The following SLC9A8 variants were observed in gnomAD, a reference collection of about 807,000 sequenced individuals.
The protein encoded by SLC9A8 is sodium/hydrogen exchanger 8.
In SLC9A8, 48 loss-of-function variants were observed where a neutral mutation model predicts 66.6. That is an observed-to-expected ratio of 0.72 (90% confidence interval 0.57 to 0.92). The LOEUF (loss-of-function observed/expected upper bound fraction) is 0.92. Ranked by LOEUF, SLC9A8 falls within the 40% of genes least tolerant of loss-of-function variation. SLC9A8 has a pLI of 0.00. For synonymous variants in SLC9A8, 274 were observed against 282.6 expected (o/e 0.97, Z 0.31); for missense variants, 599 against 747.3 (o/e 0.80, Z 2.31).
At chr20:49,847,352 G>T (rs1271014789) in intron 5 of SLC9A8, among the ~76,000 whole-genome samples, 1 of 147,826 alleles carries the variant, frequency 6.8e-6, no homozygotes, top group East Asian at 2.0e-4. Flanking sequence ...ATGACATTTT[G>T]AATATTAGAG....
At position 49,815,556 on chromosome 20, in the gene SLC9A8, C is replaced by T. The variant is rs6125774; in HGVS notation, c.208+367C>T. 2,344 of 164,514 alleles carry T rather than the reference C, an allele frequency of 0.014. 246 individuals carry two copies. The East Asian group carries it at 0.27, about 19-fold the overall frequency. 10.2% of individuals were successfully genotyped at this position (164,514 alleles called of 1,614,324 possible). On this transcript the variant is annotated intron_variant, in intron 2 of 15. Coordinates refer to ENST00000361573, the MANE Select transcript of SLC9A8 (RefSeq NM_015266.3). ...GGTTAGGAGTTCAAGACCAGCCTGGCCAACATGGTGAAACTCTGTCTTCAC... is the reference window on the plus strand; with the variant it reads ...GGTTAGGAGTTCAAGACCAGCCTGGTCAACATGGTGAAACTCTGTCTTCAC...
chr20:49,887,759 A>T (rs1215630016), intron 15 of SLC9A8, 70 bp from the exon 16 acceptor site: 1 of 1,238,734 alleles, frequency 8.1e-7, no homozygotes, highest in African/African-American at 1.5e-5. Flanking sequence ...CAAAACACCC[A>T]GTAGCATCCC....
intron 10 of SLC9A8, among the ~76,000 whole-genome samples, chr20:49,872,302 G>T (rs1284275411): frequency 1.3e-5 from 2 of 151,706 alleles, no homozygotes; most frequent in Non-Finnish European, 2.9e-5. Context: ...TCCTAAGAGG[G>T]TTAGGAGATC....
At chr20:49,866,415 A>C (rs1367920095) in intron 10 of SLC9A8, among the ~76,000 whole-genome samples, 1 of 152,146 alleles carries the variant, frequency 6.6e-6, no homozygotes, top group Non-Finnish European at 1.5e-5. Context: ...TGGTAAGTAC[A>C]TTTTTACTTT....
In SLC9A8 at chr20:49,889,999, C is replaced by G. The variant is rs963257457; in HGVS notation, c.*2063C>G. Reference sequence around the variant, plus strand: ...TAGCCCCAGCCAGGTCACACCTGGCCTCACACTTTGAGCTGAGACTTGAAA... The same window carrying G: ...TAGCCCCAGCCAGGTCACACCTGGCGTCACACTTTGAGCTGAGACTTGAAA... On this transcript the variant is annotated 3_prime_UTR_variant, in exon 16 of 16. Coordinates refer to ENST00000361573, the MANE Select transcript of SLC9A8 (RefSeq NM_015266.3). The G allele has an allele frequency of 4.6e-5, 7 of 152,264 alleles. No homozygotes were observed. Among genetic ancestry groups the G allele is most frequent in the Admixed American group, 3.9e-4 (6 of 15,288 alleles). 9.4% of individuals were successfully genotyped at this position (152,264 alleles called of 1,614,324 possible).
At chr20:49,832,340 G>C (rs532661520) in intron 3 of SLC9A8, among the ~76,000 whole-genome samples, 1 of 152,288 alleles carries the variant, frequency 6.6e-6, no homozygotes, top group Admixed American at 6.5e-5. Context: ...GGGGTGAAAA[G>C]AACTGGCCTG....
intron 10 of SLC9A8, among the ~76,000 whole-genome samples, chr20:49,865,419 T>A (rs2088921547): frequency 6.6e-6 from 1 of 152,188 alleles, no homozygotes; most frequent in African/African-American, 2.4e-5. Flanking sequence ...TCAGTTTTTT[T>A]ATGCTGATAC....
chr20:49,841,143 A>G (rs78711102), intron 4 of SLC9A8, among the ~76,000 whole-genome samples: 17,034 of 151,922 alleles, frequency 0.11, 1,385 homozygotes, highest in African/African-American at 0.23. Flanking sequence ...CATCTCTTCT[A>G]AAAATACGAA....
chr20:49,855,674 C>T (rs2088446542), intron 8 of SLC9A8, 93 bp downstream of exon 8: 1 of 1,215,952 alleles, frequency 8.2e-7, no homozygotes. Flanking sequence ...AGCATGTGTA[C>T]AGTTGCTTGT....
intron 5 of SLC9A8, among the ~76,000 whole-genome samples, chr20:49,846,077 G>C (rs2087977259): frequency 6.6e-6 from 1 of 152,068 alleles, no homozygotes; most frequent in African/African-American, 2.4e-5. Context: ...GACCTCAAGT[G>C]ATCCACCCAC....
At chr20:49,828,073 A>ATTTTTTTTTTTTTTTTTTTTTT (rs58366162) in intron 3 of SLC9A8, among the ~76,000 whole-genome samples, 1 of 81,510 alleles carries the variant, frequency 1.2e-5, no homozygotes. Flanking sequence ...CCAAAAAAAA[A>ATTTTTTTTTTTTTTTTTTTTTT]TTTTTTTTTT....
chr20:49,813,511 G>GAT (rs2086435202), intron 1 of SLC9A8, among the ~76,000 whole-genome samples: 1 of 152,206 alleles, frequency 6.6e-6, no homozygotes, highest in Non-Finnish European at 1.5e-5. Flanking sequence ...GGTGGTTTCA[G>GAT]ATCGTGATTA....
intron 7 of SLC9A8, among the ~76,000 whole-genome samples, chr20:49,854,295 T>C (rs772167343): frequency 5.9e-5 from 9 of 152,254 alleles, no homozygotes; most frequent in Non-Finnish European, 1.0e-4. Context: ...CAGCCTCTTA[T>C]GGCTCCTGCC....
At chr20:49,840,315 A>G (rs1299119842) in intron 4 of SLC9A8, among the ~76,000 whole-genome samples, 8 of 152,130 alleles carry the variant, frequency 5.3e-5, no homozygotes, top group African/African-American at 1.9e-4. Flanking sequence ...TTCAACATAA[A>G]CTTGAGCATC....
intron 7 of SLC9A8, among the ~76,000 whole-genome samples, chr20:49,853,011 G>A (rs1280821989): frequency 6.6e-6 from 1 of 152,160 alleles, no homozygotes; most frequent in Admixed American, 6.5e-5. Context: ...ACTTATGTAA[G>A]ATGGACGTTG....
intron 4 of SLC9A8, among the ~76,000 whole-genome samples, chr20:49,842,290 G>A (rs559517689): frequency 1.3e-5 from 2 of 151,806 alleles, no homozygotes; most frequent in Non-Finnish European, 2.9e-5. Context: ...GGCTGGTCTC[G>A]AGCTCCTGAC....
chr20:49,815,174 A>G lies in SLC9A8; in HGVS notation c.193A>G (p.Ser65Gly). ...EQSSGMTIFF[S>G]LLVLAICIIL... ...GTCCAGCGGCATGACCATTTTCTTC[A>G]GCCTCCTTGTCCTAGGTGAATATGG... The change falls in exon 2 of 16, where the codon AGC (serine) becomes GGC (glycine). Residue 65 changes from serine (S) to glycine (G), a missense_variant. Coordinates refer to ENST00000361573, the MANE Select transcript of SLC9A8 (RefSeq NM_015266.3). The G allele has an allele frequency of 6.4e-7, 1 of 1,563,586 alleles. No homozygotes were observed. The highest frequency in any genetic ancestry group is 8.7e-7 in the Non-Finnish European group (1 of 1,152,912).
chr20:49,853,541 G>A (rs1233294475), intron 7 of SLC9A8, among the ~76,000 whole-genome samples: 3 of 152,240 alleles, frequency 2.0e-5, no homozygotes, highest in African/African-American at 4.8e-5. Flanking sequence ...CAGAAGCTCT[G>A]TCTGGGTTGT....
chr20:49,820,495 C>CG (rs1336194819), intron 2 of SLC9A8, among the ~76,000 whole-genome samples: 2 of 149,778 alleles, frequency 1.3e-5, no homozygotes, highest in African/African-American at 2.5e-5. Context: ...GACTCTGTCT[C>CG]GGGGAAAAAA....
Sources: allele counts gnomAD v4.1 joint callset (sites outside exome capture counted in the v4.1 genomes callset), GRCh38; gene constraint gnomAD v4.1.1; transcripts MANE v1.5; gene names NCBI Gene and HGNC (gene_info 2026-07-23, HGNC 2026-07-21).